Variants in RBFOX1 observed in about 807,000 individuals in gnomAD.
The protein encoded by RBFOX1 is RNA binding fox-1 homolog 1, also known as RNA binding protein fox-1 homolog 1.
RBFOX1 carries 8 observed loss-of-function variants against 57.7 expected under a neutral mutation model. The observed-to-expected ratio is 0.14, with a 90% confidence interval of 0.08 to 0.25. The LOEUF (loss-of-function observed/expected upper bound fraction) is 0.25, where lower values mean the gene tolerates loss of function less well. RBFOX1 is among the 10% of genes least tolerant of loss of function. The pLI is 1.00. For missense variants in RBFOX1, 611 were observed against 548.5 expected (o/e 1.11, Z -1.14); for synonymous variants, 326 against 222.4 (o/e 1.47, Z -4.15).
At chr16:7,644,243 T>C (rs1476707779) in intron 11 of RBFOX1, among the ~76,000 whole-genome samples, 1 of 152,140 alleles carries the variant, frequency 6.6e-6, no homozygotes, top group Non-Finnish European at 1.5e-5. Flanking sequence ...AAAGTGAAGA[T>C]AGCAACAATC....
At chr16:6,365,127 C>T (rs1018782282) in intron 2 of RBFOX1, among the ~76,000 whole-genome samples, 14 of 152,266 alleles carry the variant, frequency 9.2e-5, no homozygotes, top group African/African-American at 2.6e-4. Flanking sequence ...TAGCTTTCCT[C>T]TTAACAATCT....
intron 3 of RBFOX1, among the ~76,000 whole-genome samples, chr16:5,821,470 T>A (rs1017143334): frequency 4.6e-5 from 7 of 152,008 alleles, no homozygotes; most frequent in Admixed American, 2.0e-4. Flanking sequence ...GCCCAGCTAA[T>A]TTTTTCAGTT....
At chr16:5,258,096 C>G (rs1293106617) in intron 1 of RBFOX1, among the ~76,000 whole-genome samples, 1 of 152,094 alleles carries the variant, frequency 6.6e-6, no homozygotes, top group Non-Finnish European at 1.5e-5. Context: ...CTAGGCTGGT[C>G]TCAAACTCCT....
chr16:5,419,804 G>A (rs1376847269), intron 1 of RBFOX1, among the ~76,000 whole-genome samples: 1 of 151,954 alleles, frequency 6.6e-6, no homozygotes, highest in Admixed American at 6.6e-5. Flanking sequence ...CTTGGGAGGG[G>A]CTCAAAGTGC....
At chr16:5,863,668 G>A (rs1330036070) in intron 3 of RBFOX1, among the ~76,000 whole-genome samples, 1 of 152,092 alleles carries the variant, frequency 6.6e-6, no homozygotes, top group East Asian at 1.9e-4. Context: ...TACCTAGAGG[G>A]GCCTCAGTAA....
At chr16:5,711,581 G>T (rs750691485) in intron 3 of RBFOX1, among the ~76,000 whole-genome samples, 9 of 152,204 alleles carry the variant, frequency 5.9e-5, no homozygotes, top group Admixed American at 4.6e-4. Flanking sequence ...GGCAAAGGCC[G>T]TGGTCATAGG....
At chr16:7,116,865 G>A (rs1458572023) in intron 4 of RBFOX1, among the ~76,000 whole-genome samples, 1 of 152,148 alleles carries the variant, frequency 6.6e-6, no homozygotes, top group Non-Finnish European at 1.5e-5. Context: ...AGTCTCGTGG[G>A]AGTCATCAAC....
chr16:5,961,049 G>C (rs1298758801), intron 4 of RBFOX1, among the ~76,000 whole-genome samples: 1 of 152,166 alleles, frequency 6.6e-6, no homozygotes, highest in Non-Finnish European at 1.5e-5. Context: ...GGTGATCCTG[G>C]AAAGGAGAAA....
In RBFOX1 at chr16:5,887,921, A is replaced by G. The variant is rs560172693; in HGVS notation, c.351+20586A>G. ...AAATGATGGCATGAAGATTTCCACT[A>G]TTCTGAACAACAGGGCAAGGACCAC... On this transcript the variant is annotated intron_variant, in intron 4 of 19. Coordinates refer to the RBFOX1 transcript ENST00000641259. 2.0e-5 allele frequency among the ~76,000 whole-genome samples: 3 copies of G among 152,282 alleles called. No individual in the cohort carries two copies. In the East Asian group the frequency reaches 5.8e-4, roughly 29 times the overall value.
At chr16:6,866,333 G>T (rs1448908266) in intron 3 of RBFOX1, among the ~76,000 whole-genome samples, 1 of 151,764 alleles carries the variant, frequency 6.6e-6, no homozygotes, top group East Asian at 1.9e-4. Context: ...CAAGGAAATA[G>T]ATCACTTCTT....
At chr16:6,280,070 G>C (rs1049041925) in intron 1 of RBFOX1, among the ~76,000 whole-genome samples, 24 of 152,026 alleles carry the variant, frequency 1.6e-4, no homozygotes, top group African/African-American at 5.8e-4. Context: ...TCCTAGAAAA[G>C]ACAGACTAAT....
chr16:6,540,030 C>G (rs892786087), intron 2 of RBFOX1, among the ~76,000 whole-genome samples: 2 of 152,106 alleles, frequency 1.3e-5, no homozygotes, highest in African/African-American at 2.4e-5. Context: ...CCCTGCAGTT[C>G]AACAGTCTCT....
chr16:7,173,305 A>G (rs549382223), intron 4 of RBFOX1, among the ~76,000 whole-genome samples: 1 of 152,198 alleles, frequency 6.6e-6, no homozygotes, highest in Non-Finnish European at 1.5e-5. Context: ...CCATAATTTG[A>G]AGAAACTAAT....
chr16:6,358,637 G>A (rs1273261753), intron 2 of RBFOX1, among the ~76,000 whole-genome samples: 3 of 152,166 alleles, frequency 2.0e-5, no homozygotes, highest in Admixed American at 6.5e-5. Flanking sequence ...AACAGCAGGA[G>A]GTAGATACTA....
chr16:7,347,828 A>G (rs1170617810), intron 4 of RBFOX1, among the ~76,000 whole-genome samples: 1 of 152,158 alleles, frequency 6.6e-6, no homozygotes, highest in East Asian at 1.9e-4. Flanking sequence ...CTGGGAAAGC[A>G]GGAGTAGGAT....
chr16:5,826,399 T>C (rs1597396410), intron 3 of RBFOX1, among the ~76,000 whole-genome samples: 1 of 152,152 alleles, frequency 6.6e-6, no homozygotes, highest in African/African-American at 2.4e-5. Flanking sequence ...TTCAGATGTT[T>C]TGAAAGTCTT....
At chr16:5,318,815 C>G (rs915831252) in intron 1 of RBFOX1, among the ~76,000 whole-genome samples, 3 of 152,136 alleles carry the variant, frequency 2.0e-5, no homozygotes, top group African/African-American at 7.2e-5. Flanking sequence ...GTGGGCCTGA[C>G]CTAATTGCGT....
At chr16:5,999,898 AAAAAAAAAAGAG>A (rs543045812) in intron 4 of RBFOX1, among the ~76,000 whole-genome samples, 4,298 of 57,726 alleles carry the variant, frequency 0.074, 942 homozygotes, top group Middle Eastern at 0.11. Flanking sequence ...AAAAAAAAAA[AAAAAAAAAAGAG>A]TGAAGAAGGG....
At chr16:7,291,398 A>G (rs1001477799) in intron 4 of RBFOX1, among the ~76,000 whole-genome samples, 9 of 152,188 alleles carry the variant, frequency 5.9e-5, no homozygotes, top group Admixed American at 1.3e-4. Flanking sequence ...CTAAAAATCT[A>G]GGCTAAATAA....
Sources: gnomAD v4.1 joint callset for allele counts (sites outside exome capture counted in the v4.1 genomes callset) on GRCh38, gnomAD v4.1.1 for gene constraint, MANE v1.5 for transcripts, NCBI Gene and HGNC (gene_info 2026-07-23, HGNC 2026-07-21) for gene names.